MEIS2: variants seen among roughly 807,000 people sequenced by gnomAD.
The protein encoded by MEIS2 is Meis homeobox 2, also known as homeobox protein Meis2.
Under a neutral mutation model 58.6 loss-of-function variants are expected in MEIS2, and 9 were observed. The observed-to-expected ratio is 0.15, with a 90% CI of 0.09 to 0.27. The LOEUF (loss-of-function observed/expected upper bound fraction) is 0.27, where lower values mean the gene tolerates loss of function less well. Among genes scored for constraint, MEIS2 ranks in the 10% least tolerant of loss-of-function variants. MEIS2 has a pLI of 1.00. For synonymous variants in MEIS2, 221 were observed against 228.4 expected (o/e 0.97, Z 0.29); for missense variants, 427 against 635.0 (o/e 0.67, Z 3.52).
At chr15:37,080,640 A>G (rs1462387206) in intron 7 of MEIS2, among the ~76,000 whole-genome samples, 2 of 152,132 alleles carry the variant, frequency 1.3e-5, no homozygotes, top group Non-Finnish European at 2.9e-5. Context: ...CCAGACACAA[A>G]GAGGGCCAGT....
chr15:36,957,477 C>T lies in MEIS2; in HGVS notation c.901-7077G>A, dbSNP rs534491958. Among the ~76,000 whole-genome samples, 19 of 152,286 alleles carry T rather than the reference C, an allele frequency of 1.2e-4. No homozygotes were observed. The South Asian group carries it at 3.9e-3, about 32-fold the overall frequency. On this transcript the variant is annotated intron_variant, in intron 8 of 11. Coordinates refer to ENST00000561208, the MANE Select transcript of MEIS2 (RefSeq NM_170675.5). ...GGGATCAAAACATTCCCCTCCATTTCCACGATTCTGGCATGTCCAAGCCCT... is the reference window on the plus strand; with the variant it reads ...GGGATCAAAACATTCCCCTCCATTTTCACGATTCTGGCATGTCCAAGCCCT...
chr15:36,924,629 A>C (rs1428187836), intron 9 of MEIS2, among the ~76,000 whole-genome samples: 1 of 152,194 alleles, frequency 6.6e-6, no homozygotes, highest in African/African-American at 2.4e-5. Flanking sequence ...CGAACCTCAA[A>C]GCATACGAGG....
intron 7 of MEIS2, among the ~76,000 whole-genome samples, chr15:37,058,425 T>G (rs753892948): frequency 6.6e-6 from 1 of 152,212 alleles, no homozygotes; most frequent in African/African-American, 2.4e-5. Flanking sequence ...CTAGATCCTG[T>G]GAGCAGAGAA....
At chr15:36,960,352 T>C (rs1396674718) in intron 8 of MEIS2, among the ~76,000 whole-genome samples, 1 of 151,994 alleles carries the variant, frequency 6.6e-6, no homozygotes, top group East Asian at 1.9e-4. Context: ...ATGGGGTTAA[T>C]GATAAGTTTA....
intron 7 of MEIS2, 152 bp from the exon 8 acceptor site, chr15:37,037,111 G>C: frequency 1.3e-6 from 1 of 756,890 alleles, no homozygotes. Flanking sequence ...ACACAAATAT[G>C]TAAAAGACAA....
At chr15:36,948,028 A>G (rs1381723884) in intron 9 of MEIS2, among the ~76,000 whole-genome samples, 3 of 152,070 alleles carry the variant, frequency 2.0e-5, no homozygotes, top group South Asian at 2.1e-4. Flanking sequence ...GGTATTTGCT[A>G]TACTATCCTC....
intron 8 of MEIS2, among the ~76,000 whole-genome samples, chr15:37,021,807 C>A (rs1368510635): frequency 6.6e-6 from 1 of 152,046 alleles, no homozygotes; most frequent in South Asian, 2.1e-4. Flanking sequence ...ATCTCCCTAC[C>A]CAAGGATAAT....
chr15:36,939,343 A>G (rs1201857145), intron 9 of MEIS2, among the ~76,000 whole-genome samples: 1 of 152,214 alleles, frequency 6.6e-6, no homozygotes, highest in Non-Finnish European at 1.5e-5. Flanking sequence ...ATCCCAAAGC[A>G]ATCTGGCAAT....
chr15:37,064,761 A>C (rs999010956), intron 7 of MEIS2, among the ~76,000 whole-genome samples: 1 of 152,184 alleles, frequency 6.6e-6, no homozygotes, highest in African/African-American at 2.4e-5. Flanking sequence ...GAAATCCTGA[A>C]ACTCTATAGG....
chr15:36,956,341 AC>A (rs2058974342), intron 8 of MEIS2, among the ~76,000 whole-genome samples: 2 of 152,238 alleles, frequency 1.3e-5, no homozygotes, highest in East Asian at 3.9e-4. Context: ...TGGGATAACC[AC>A]CTGCTATCCT....
At chr15:37,012,982 G>A (rs1172976398) in intron 8 of MEIS2, among the ~76,000 whole-genome samples, 2 of 152,070 alleles carry the variant, frequency 1.3e-5, no homozygotes, top group Non-Finnish European at 2.9e-5. Context: ...GGTTTTAAAA[G>A]GCATGAAATT....
upstream of MEIS2, chr15:37,100,917 C>G (rs1895048805): frequency 6.6e-6 from 1 of 151,886 alleles, no homozygotes; most frequent in Admixed American, 6.6e-5. Flanking sequence ...CCATCACTCC[C>G]GGCTCCTGCC....
In MEIS2 at chr15:37,100,181, A is replaced by G. The variant is rs2140107473; in HGVS notation, c.-715T>C. The stretch of plus-strand genomic sequence containing the variant: ...AGCAGTGAGAAAAATCAAGAAAAAA[A>G]AATGAATAGTTTGCAAAAATTGGAC... On this transcript the variant is annotated 5_prime_UTR_variant, in exon 1 of 12. Coordinates refer to ENST00000561208, the MANE Select transcript of MEIS2 (RefSeq NM_170675.5). 6.6e-6 allele frequency: 1 copy of G among 151,040 alleles called. No individual in the cohort carries two copies. Among genetic ancestry groups the G allele is most frequent in the East Asian group, 2.0e-4 (1 of 5,050 alleles). 9.4% of individuals were successfully genotyped at this position (151,040 alleles called of 1,614,324 possible).
intron 7 of MEIS2, among the ~76,000 whole-genome samples, chr15:37,078,624 A>C (rs1567268117): frequency 2.0e-5 from 3 of 150,146 alleles, no homozygotes; most frequent in Non-Finnish European, 4.4e-5. Context: ...AAAAAAAAAA[A>C]AAAAAAAACA....
intron 9 of MEIS2, 51 bp downstream of exon 9, chr15:36,950,273 G>T: frequency 3.8e-5 from 51 of 1,342,346 alleles, no homozygotes; most frequent in Non-Finnish European, 4.7e-5. Context: ...CCATTATTTA[G>T]AAATCTCATT....
chr15:37,052,152 C>T (rs1186514528), intron 7 of MEIS2, among the ~76,000 whole-genome samples: 2 of 152,172 alleles, frequency 1.3e-5, no homozygotes, highest in Non-Finnish European at 2.9e-5. Flanking sequence ...TCATGAAAGA[C>T]TGAGCACTCT....
intron 6 of MEIS2, among the ~76,000 whole-genome samples, chr15:37,084,370 T>C (rs1187463860): frequency 1.3e-5 from 2 of 152,176 alleles, no homozygotes; most frequent in African/African-American, 4.8e-5. Flanking sequence ...CCACAATGTA[T>C]GGGACAGCCC....
intron 8 of MEIS2, among the ~76,000 whole-genome samples, chr15:37,007,926 C>T (rs1010829998): frequency 6.6e-6 from 1 of 152,136 alleles, no homozygotes; most frequent in Non-Finnish European, 1.5e-5. Context: ...CAATATATAG[C>T]AAAACTTAAT....
chr15:37,052,513 G>T (rs539067996), intron 7 of MEIS2, among the ~76,000 whole-genome samples: 61 of 152,274 alleles, frequency 4.0e-4, no homozygotes, highest in African/African-American at 1.4e-3. Flanking sequence ...CACAGAAATG[G>T]AATTCATATT....
Sources: allele counts gnomAD v4.1 joint callset (sites outside exome capture counted in the v4.1 genomes callset), GRCh38; gene constraint gnomAD v4.1.1; transcripts MANE v1.5; gene names NCBI Gene and HGNC (gene_info 2026-07-23, HGNC 2026-07-21).